The following DLG2 variants were observed in gnomAD, a reference collection of about 807,000 sequenced individuals.
The protein encoded by DLG2 is disks large homolog 2.
A neutral mutation model predicts 132.5 loss-of-function variants in DLG2; 45 were observed. That is an observed-to-expected ratio of 0.34 (90% CI 0.27 to 0.44). DLG2 has a LOEUF of 0.44. DLG2 is among the 20% of genes least tolerant of loss of function. The pLI, the probability that DLG2 is intolerant of heterozygous loss-of-function variation, is 1.00. For synonymous variants in DLG2, 424 were observed against 419.6 expected (o/e 1.01, Z -0.13); for missense variants, 1,045 against 1,196.9 (o/e 0.87, Z 1.87).
chr11:84,164,687 A>C (rs2154263531), intron 8 of DLG2, among the ~76,000 whole-genome samples: 1 of 152,364 alleles, frequency 6.6e-6, no homozygotes, highest in Non-Finnish European at 1.5e-5. Context: ...TGTAACAAAA[A>C]ATTGAATGTA....
intron 6 of DLG2, among the ~76,000 whole-genome samples, chr11:84,612,102 T>A (rs1457557699): frequency 6.6e-6 from 1 of 152,176 alleles, no homozygotes; most frequent in African/African-American, 2.4e-5. Flanking sequence ...TTTACAACTT[T>A]TCTCATCCTC....
intron 7 of DLG2, among the ~76,000 whole-genome samples, chr11:84,416,862 G>T (rs1197821677): frequency 6.6e-6 from 1 of 152,078 alleles, no homozygotes; most frequent in Non-Finnish European, 1.5e-5. Context: ...GTAAATAACA[G>T]AAATAATGGA....
At chr11:84,908,182 C>T (rs1566351067) in intron 6 of DLG2, among the ~76,000 whole-genome samples, 1 of 151,994 alleles carries the variant, frequency 6.6e-6, no homozygotes, top group Non-Finnish European at 1.5e-5. Flanking sequence ...TTTAAATTTT[C>T]TAGTAGCCAC....
At chr11:84,876,730 G>C (rs1396240061) in intron 6 of DLG2, among the ~76,000 whole-genome samples, 2 of 152,020 alleles carry the variant, frequency 1.3e-5, no homozygotes, top group African/African-American at 2.4e-5. Context: ...GCTAGCTTTT[G>C]AATTTGTTTG....
intron 6 of DLG2, among the ~76,000 whole-genome samples, chr11:84,841,797 T>C (rs2080729694): frequency 6.6e-6 from 1 of 152,032 alleles, no homozygotes; most frequent in African/African-American, 2.4e-5. Flanking sequence ...TACAATTCCC[T>C]GTTTTAGTCT....
At chr11:83,608,271 A>G (rs1460824526) in intron 19 of DLG2, among the ~76,000 whole-genome samples, 2 of 152,228 alleles carry the variant, frequency 1.3e-5, no homozygotes, top group Non-Finnish European at 2.9e-5. Flanking sequence ...GGGCAAAATC[A>G]TCTAACAATG....
intron 9 of DLG2, among the ~76,000 whole-genome samples, chr11:84,142,615 A>G (rs959506914): frequency 1.3e-5 from 2 of 152,268 alleles, no homozygotes; most frequent in Middle Eastern, 6.8e-3. Context: ...TCCCTCACCA[A>G]TGCGGGTGAG....
intron 18 of DLG2, among the ~76,000 whole-genome samples, chr11:83,739,517 A>G (rs2092324019): frequency 6.6e-6 from 1 of 152,174 alleles, no homozygotes; most frequent in East Asian, 1.9e-4. Context: ...ATAACTCAAT[A>G]GAAAAAATGA....
chr11:84,941,190 A>C (rs1396199725), intron 6 of DLG2, among the ~76,000 whole-genome samples: 1 of 152,180 alleles, frequency 6.6e-6, no homozygotes, highest in African/African-American at 2.4e-5. Flanking sequence ...TTTTTCTCAG[A>C]ATTGCTTTAA....
chr11:83,861,053 T>C (rs774637253), intron 16 of DLG2, among the ~76,000 whole-genome samples: 2 of 152,138 alleles, frequency 1.3e-5, no homozygotes, highest in Non-Finnish European at 2.9e-5. Flanking sequence ...ATCAGCAGTG[T>C]GAAAATGGAC....
intron 3 of DLG2, among the ~76,000 whole-genome samples, chr11:85,360,224 C>T (rs557997122): frequency 1.3e-5 from 2 of 152,300 alleles, no homozygotes; most frequent in Non-Finnish European, 2.9e-5. Context: ...GTACGCAATA[C>T]ACTGTAACAA....
At chr11:84,535,901 C>A (rs189891221) in intron 6 of DLG2, among the ~76,000 whole-genome samples, 1 of 151,006 alleles carries the variant, frequency 6.6e-6, no homozygotes, top group African/African-American at 2.5e-5. Flanking sequence ...TGATGTCTAA[C>A]TTCTTCCCAG....
At chr11:85,498,813 T>C (rs548513223) in intron 3 of DLG2, among the ~76,000 whole-genome samples, 4 of 152,182 alleles carry the variant, frequency 2.6e-5, no homozygotes, top group African/African-American at 4.8e-5. Flanking sequence ...CACAACTACA[T>C]GGAAACTGAA....
chr11:83,893,230 T>C (rs895265824), intron 15 of DLG2, among the ~76,000 whole-genome samples: 4 of 152,242 alleles, frequency 2.6e-5, no homozygotes, highest in African/African-American at 7.2e-5. Context: ...TACTTCTCAC[T>C]GACCAAGATT....
intron 3 of DLG2, among the ~76,000 whole-genome samples, chr11:85,540,182 T>G (rs184699960): frequency 1.3e-5 from 2 of 152,288 alleles, no homozygotes; most frequent in East Asian, 3.9e-4. Flanking sequence ...CCTTGGGCCT[T>G]TGCCCACGGA....
intron 6 of DLG2, among the ~76,000 whole-genome samples, chr11:85,071,398 A>T (rs1007275500): frequency 6.6e-6 from 1 of 151,884 alleles, no homozygotes; most frequent in Admixed American, 6.6e-5. Flanking sequence ...TGAATTATTA[A>T]TAGTAAGAAA....
chr11:85,031,818 T>C (rs1197277313), intron 6 of DLG2, among the ~76,000 whole-genome samples: 2 of 152,100 alleles, frequency 1.3e-5, no homozygotes, highest in Non-Finnish European at 2.9e-5. Flanking sequence ...GGAGACTTGC[T>C]TTGTCACCTG....
At chr11:85,367,385 T>C (rs2084641179) in intron 3 of DLG2, among the ~76,000 whole-genome samples, 1 of 152,164 alleles carries the variant, frequency 6.6e-6, no homozygotes, top group South Asian at 2.1e-4. Flanking sequence ...ATGGGAATAA[T>C]GATATTAGCA....
At chr11:85,064,261 G>T (rs375577500) in intron 6 of DLG2, among the ~76,000 whole-genome samples, 1 of 151,802 alleles carries the variant, frequency 6.6e-6, no homozygotes, top group Non-Finnish European at 1.5e-5. Flanking sequence ...TTTCAAAAAT[G>T]TTCTAATAAA....
Sources: gnomAD v4.1 joint callset for allele counts (sites outside exome capture counted in the v4.1 genomes callset) on GRCh38, gnomAD v4.1.1 for gene constraint, MANE v1.5 for transcripts, NCBI Gene and HGNC (gene_info 2026-07-23, HGNC 2026-07-21) for gene names.